MIOS: variants seen among roughly 807,000 people sequenced by gnomAD.
MIOS encodes meiosis regulator for oocyte development.
In MIOS, 52 loss-of-function variants were observed where a neutral mutation model predicts 96.9. The observed-to-expected ratio is 0.54, with a 90% CI of 0.43 to 0.68. MIOS has a LOEUF of 0.68. MIOS is among the 30% of genes least tolerant of loss of function. MIOS has a pLI of 0.00. For missense variants in MIOS, 1,005 were observed against 1,052.8 expected (o/e 0.95, Z 0.63); for synonymous variants, 397 against 359.5 (o/e 1.10, Z -1.18).
At chr7:7,569,193 T>G (rs1783260266) in intron 3 of MIOS, among the ~76,000 whole-genome samples, 1 of 152,240 alleles carries the variant, frequency 6.6e-6, no homozygotes, top group Non-Finnish European at 1.5e-5. Flanking sequence ...TTTGGCAGTA[T>G]CTGTTCCTCT....
chr7:7,597,513 T>A (rs888891496), intron 11 of MIOS, among the ~76,000 whole-genome samples: 576 of 26,632 alleles, frequency 0.022, 142 homozygotes, highest in South Asian at 0.15. Context: ...TATATATATA[T>A]ATATGAAGGC....
At chr7:7,571,770 C>T (rs1783363300) in intron 3 of MIOS, among the ~76,000 whole-genome samples, 1 of 152,186 alleles carries the variant, frequency 6.6e-6, no homozygotes, top group Admixed American at 6.5e-5. Flanking sequence ...TCAGTACATT[C>T]CAGTGTTTAT....
chr7:7,571,883 T>C (rs950377907), intron 3 of MIOS, among the ~76,000 whole-genome samples: 2 of 152,242 alleles, frequency 1.3e-5, no homozygotes, highest in Non-Finnish European at 2.9e-5. Flanking sequence ...TGACCACATA[T>C]GGTTATTTAT....
At chr7:7,587,720 T>A (rs1003251889) in intron 7 of MIOS, among the ~76,000 whole-genome samples, 5 of 151,952 alleles carry the variant, frequency 3.3e-5, no homozygotes, top group Non-Finnish European at 5.9e-5. Flanking sequence ...TATTTTATCA[T>A]AGAAAAAATA....
intron 11 of MIOS, among the ~76,000 whole-genome samples, chr7:7,600,924 C>T (rs1190304809): frequency 2.0e-5 from 3 of 152,112 alleles, no homozygotes; most frequent in African/African-American, 4.8e-5. Context: ...CACTCCAAAC[C>T]GCTCAACTAC....
chr7:7,601,533 ATC>A (rs763608175), intron 11 of MIOS, among the ~76,000 whole-genome samples: 3 of 152,206 alleles, frequency 2.0e-5, no homozygotes, highest in Admixed American at 6.5e-5. Context: ...AAGAAGTTGA[ATC>A]TCTGAATAGA....
At chr7:7,589,316 T>C in intron 8 of MIOS, 89 bp from the exon 9 acceptor site, 1 of 1,131,344 alleles carries the variant, frequency 8.8e-7, no homozygotes, top group South Asian at 1.9e-5. Context: ...TGTTTTCCAT[T>C]AGGAATGAAA....
At position 7,573,565 on chromosome 7, in the gene MIOS, A is replaced by G; in HGVS notation, c.1090A>G (p.Thr364Ala). The G allele has an allele frequency of 6.2e-7, 1 of 1,614,090 alleles. No homozygotes were observed. Among genetic ancestry groups the G allele is most frequent in the Non-Finnish European group, 8.5e-7 (1 of 1,179,934 alleles). Reference sequence around the variant, plus strand: ...GATATCTCTTGCCTGGAGCCCAATTACATCTTTAATGTGGGCTTGTGGTCG... The same window carrying G: ...GATATCTCTTGCCTGGAGCCCAATTGCATCTTTAATGTGGGCTTGTGGTCG... ...ERISLAWSPI[T>A]SLMWACGRHL... is the part of the protein sequence containing the mutation. Residue 364 changes from threonine to alanine, a missense_variant, in exon 4 of 13, where the codon ACA becomes GCA. Physicochemically the swap from Thr to Ala is moderately conservative, Grantham distance 58. Transcript: ENST00000340080. This position sits in a 1 kb window ranked among gnomAD's most constrained non-coding sequence, Gnocchi z 5.0.
rs189873977 is a variant in MIOS at position 7,567,614 on chromosome 7, T to C, written c.-213T>C. The C allele has an allele frequency of 3.3e-4, 50 of 152,290 alleles. No homozygotes were observed. Among genetic ancestry groups the C allele is most frequent in the African/African-American group, 1.2e-3 (48 of 41,550 alleles). 9.4% of individuals were successfully genotyped at this position (152,290 alleles called of 1,614,324 possible). A position where few individuals can be genotyped will look rare whatever the true frequency, so the allele number is the denominator to read the frequency against. ...CCTTTTGTATATTTTAAGGGAAATT[T>C]GGATATGTGCAGTGCATCTCCTCGA... On this transcript the variant is annotated 5_prime_UTR_variant, in exon 2 of 13. Transcript: ENST00000340080.
intron 5 of MIOS, chr7:7,581,765 C>T (rs1563023798): frequency 6.6e-6 from 1 of 152,208 alleles, no homozygotes; most frequent in Non-Finnish European, 1.5e-5. Flanking sequence ...TTTACATCTT[C>T]AAGATCATCA....
chr7:7,568,750 G>C (rs1022130792), intron 3 of MIOS, among the ~76,000 whole-genome samples: 1 of 152,142 alleles, frequency 6.6e-6, no homozygotes, highest in Non-Finnish European at 1.5e-5. Context: ...GAGAGACCTT[G>C]GATAACCACC....
intron 5 of MIOS, among the ~76,000 whole-genome samples, chr7:7,576,316 G>T (rs1218898207): frequency 2.0e-5 from 3 of 152,162 alleles, no homozygotes; most frequent in Non-Finnish European, 4.4e-5. Context: ...TTCCCTCATG[G>T]AGATTGAGCA....
At position 7,606,015 on chromosome 7, in the gene MIOS, A is replaced by G. The variant is rs762827565; in HGVS notation, c.2475A>G (p.Thr825=). 6 of 1,614,016 alleles carry G rather than the reference A, an allele frequency of 3.7e-6. No individual in the cohort carries two copies. The highest frequency in any genetic ancestry group is 4.2e-6 in the Non-Finnish European group (5 of 1,179,914). ...KKLAQFNNWF[T]WCHNCRHGGH... is the part of the protein sequence containing the mutation. ...TAGCCCAATTTAACAACTGGTTTAC[A>G]TGGTGTCATAATTGCAGGCACGGTG... is the stretch of plus-strand genomic sequence containing the variant. The change falls in exon 12 of 13, where the codon ACA becomes ACG. Residue 825 remains threonine (T), a synonymous_variant. Coordinates refer to ENST00000340080, the MANE Select transcript of MIOS (RefSeq NM_019005.4).
At chr7:7,575,888 T>G (rs932049335) in intron 5 of MIOS, among the ~76,000 whole-genome samples, 8 of 150,732 alleles carry the variant, frequency 5.3e-5, no homozygotes, top group Admixed American at 4.0e-4. Flanking sequence ...GCTTTTTTTT[T>G]TTTGTTTGGT....
intron 9 of MIOS, 35 bp downstream of exon 9, chr7:7,589,598 A>G (rs1783990033): frequency 6.4e-7 from 1 of 1,569,420 alleles, no homozygotes; most frequent in South Asian, 1.2e-5. Flanking sequence ...TTAAAAAAGT[A>G]ACAATATTCT....
rs372634070 is a variant in MIOS at position 7,597,517 on chromosome 7, T to TATAAA, written c.2401+1056_2401+1057insATAAA. On this transcript the variant is annotated intron_variant, in intron 11 of 12. Coordinates refer to ENST00000340080, the MANE Select transcript of MIOS (RefSeq NM_019005.4). ...ATATATATATATATATATATATATA[T>TATAAA]GAAGGCAATACGTAATGTTTTAAAT... 1.6e-4 allele frequency among the ~76,000 whole-genome samples: 11 copies of TATAAA among 70,428 alleles called. 1 individual carries two copies. The highest frequency in any genetic ancestry group is 2.0e-4 in the African/African-American group (4 of 19,620). The allele number at this position is 70,428 out of a possible 152,430, so 46.2% of individuals were successfully genotyped here.
At chr7:7,597,694 TTTG>T (rs1260967637) in intron 11 of MIOS, among the ~76,000 whole-genome samples, 12 of 149,886 alleles carry the variant, frequency 8.0e-5, no homozygotes, top group Non-Finnish European at 1.2e-4. Flanking sequence ...TTCGTTTTTG[TTTG>T]TTTGTTTGTT....
intron 3 of MIOS, among the ~76,000 whole-genome samples, chr7:7,568,824 C>G (rs1174275195): frequency 6.6e-6 from 1 of 152,140 alleles, no homozygotes; most frequent in Non-Finnish European, 1.5e-5. Context: ...CTTTTTCTCT[C>G]AAGTTTTGAT....
chr7:7,570,615 G>A (rs1783318637), intron 3 of MIOS, among the ~76,000 whole-genome samples: 1 of 151,814 alleles, frequency 6.6e-6, no homozygotes, highest in Non-Finnish European at 1.5e-5. Context: ...TTGTTTTCCT[G>A]CAACTAGATG....
Sources: allele counts gnomAD v4.1 joint callset (sites outside exome capture counted in the v4.1 genomes callset), GRCh38; gene constraint gnomAD v4.1.1; non-coding constraint Gnocchi (gnomAD v3.1); transcripts MANE v1.5; gene names NCBI Gene and HGNC (gene_info 2026-07-23, HGNC 2026-07-21).